DLG1: variants seen among roughly 807,000 people sequenced by gnomAD.
DLG1 encodes discs large MAGUK scaffold protein 1, also known as disks large homolog 1.
In DLG1, 42 loss-of-function variants were observed where a neutral mutation model predicts 123.4. The observed-to-expected ratio is 0.34, with a 90% CI of 0.27 to 0.44. The LOEUF (loss-of-function observed/expected upper bound fraction) is 0.44. Among genes scored for constraint, DLG1 ranks in the 20% least tolerant of loss-of-function variants. DLG1 has a pLI of 1.00. For synonymous variants in DLG1, 317 were observed against 356.2 expected (o/e 0.89, Z 1.24); for missense variants, 942 against 1,082.6 (o/e 0.87, Z 1.82).
At chr3:197,178,982 T>G (rs1374008375) in intron 5 of DLG1, among the ~76,000 whole-genome samples, 1 of 152,110 alleles carries the variant, frequency 6.6e-6, no homozygotes, top group Non-Finnish European at 1.5e-5. Context: ...ATTTCAGAAG[T>G]TCTTGAACAA....
At chr3:197,269,758 T>C (rs554729693) in intron 4 of DLG1, among the ~76,000 whole-genome samples, 1 of 152,310 alleles carries the variant, frequency 6.6e-6, no homozygotes, top group East Asian at 1.9e-4. Flanking sequence ...GAATTCATGC[T>C]CCTCTAACAT....
At chr3:197,177,008 T>C (rs1807469655) in intron 5 of DLG1, among the ~76,000 whole-genome samples, 1 of 151,872 alleles carries the variant, frequency 6.6e-6, no homozygotes, top group African/African-American at 2.4e-5. Context: ...ATTGTACAAA[T>C]GATAAAAATG....
At chr3:197,297,407 T>C (rs1777978160) in intron 1 of DLG1, 172 bp from the exon 2 acceptor site, 3 of 1,429,206 alleles carry the variant, frequency 2.1e-6, no homozygotes, top group East Asian at 5.1e-5. Flanking sequence ...GTGGAAAGCT[T>C]TTCCTTGGAG....
In DLG1 at chr3:197,070,720, A is replaced by G. The variant is rs1167475959; in HGVS notation, c.2006-1460T>C. 3.3e-5 allele frequency: 5 copies of G among 151,756 alleles called. No homozygotes were observed. The East Asian group carries it at 9.7e-4, about 29-fold the overall frequency. 9.4% of individuals were successfully genotyped at this position (151,756 alleles called of 1,614,324 possible). A position where few individuals can be genotyped will look rare whatever the true frequency, so the allele number is the denominator to read the frequency against. On this transcript the variant is annotated intron_variant, in intron 18 of 24. Transcript: ENST00000667157. ...CCTGACTACCTGGCACTGCAGGTAT[A>G]TAGCACCATGCCCAACTAATTTTTC...
At chr3:197,119,746 G>A (rs1362562878) in intron 11 of DLG1, among the ~76,000 whole-genome samples, 2 of 152,062 alleles carry the variant, frequency 1.3e-5, no homozygotes, top group Non-Finnish European at 2.9e-5. Context: ...GCCTCCCAAA[G>A]TGTTGGGATT....
chr3:197,296,946 C>T (rs1189628711), intron 2 of DLG1: 1 of 494,780 alleles, frequency 2.0e-6, no homozygotes, highest in African/African-American at 2.3e-5. Context: ...TTATTAAGGA[C>T]ATCTGTTGGG....
chr3:197,233,104 A>G (rs903975940), intron 4 of DLG1, among the ~76,000 whole-genome samples: 1 of 152,230 alleles, frequency 6.6e-6, no homozygotes, highest in Admixed American at 6.5e-5. Context: ...AAACTGCAGG[A>G]TACAAGAGTA....
At chr3:197,198,229 C>T (rs13080468) in intron 4 of DLG1, among the ~76,000 whole-genome samples, 36,667 of 152,020 alleles carry the variant, frequency 0.24, 5,593 homozygotes, top group East Asian at 0.72. Context: ...GTGGCTCACG[C>T]CTGTAATCCC....
intron 15 of DLG1, among the ~76,000 whole-genome samples, chr3:197,088,402 C>A (rs146753945): frequency 6.6e-6 from 1 of 152,286 alleles, no homozygotes; most frequent in East Asian, 1.9e-4. Flanking sequence ...GTATCATTCC[C>A]TCCCCCACAT....
At chr3:197,251,762 A>G (rs944083711) in intron 4 of DLG1, among the ~76,000 whole-genome samples, 1 of 152,262 alleles carries the variant, frequency 6.6e-6, no homozygotes, top group African/African-American at 2.4e-5. Flanking sequence ...TTTCCAAACT[A>G]CCCGTCTGAC....
chr3:197,170,408 C>T (rs968220064), intron 5 of DLG1, among the ~76,000 whole-genome samples: 1 of 152,114 alleles, frequency 6.6e-6, no homozygotes, highest in African/African-American at 2.4e-5. Context: ...TCTCCACAAA[C>T]TTGCCAGCAT....
rs775236058 is a variant in DLG1, at chr3:197,116,101, T to A, written c.1287-18A>T. 1 of 1,584,008 alleles carries A rather than the reference T, an allele frequency of 6.3e-7. No individual in the cohort carries two copies. Among genetic ancestry groups the A allele is most frequent in the Non-Finnish European group, 8.5e-7 (1 of 1,169,636 alleles). On this transcript the variant is annotated intron_variant, in intron 12 of 24. Coordinates refer to ENST00000667157, the MANE Select transcript of DLG1 (RefSeq NM_001366207.1). ...TAGGTTCCCTAAAAATTAAAAAAAA[T>A]TGAGTATCTTGGAAATTTTATATAA...
At chr3:197,268,723 A>T (rs1357984025) in intron 4 of DLG1, among the ~76,000 whole-genome samples, 2 of 152,060 alleles carry the variant, frequency 1.3e-5, no homozygotes, top group African/African-American at 4.8e-5. Flanking sequence ...TATAAATTAA[A>T]TTTTTTAACT....
chr3:197,119,620 C>A, intron 11 of DLG1, 90 bp from the exon 12 acceptor site: 1 of 1,234,544 alleles, frequency 8.1e-7, no homozygotes, highest in Non-Finnish European at 1.1e-6. Context: ...AATTTATATG[C>A]ACTCCTTTAT....
intron 3 of DLG1, among the ~76,000 whole-genome samples, chr3:197,285,356 CA>C (rs1169440738): frequency 6.6e-6 from 1 of 151,810 alleles, no homozygotes; most frequent in Non-Finnish European, 1.5e-5. Context: ...AACTTAGGGT[CA>C]GGGGAGAAAA....
At chr3:197,171,189 T>G (rs1416150706) in intron 5 of DLG1, among the ~76,000 whole-genome samples, 1 of 152,192 alleles carries the variant, frequency 6.6e-6, no homozygotes, top group Non-Finnish European at 1.5e-5. Flanking sequence ...GCAAGCCTTT[T>G]GAATGTTTAT....
At chr3:197,214,834 T>A (rs371737453) in intron 4 of DLG1, among the ~76,000 whole-genome samples, 76 of 152,218 alleles carry the variant, frequency 5.0e-4, no homozygotes, top group African/African-American at 1.7e-3. Context: ...GAATTACAAA[T>A]ACTCAATAAA....
chr3:197,250,954 G>T (rs1754098218), intron 4 of DLG1, among the ~76,000 whole-genome samples: 1 of 137,942 alleles, frequency 7.2e-6, no homozygotes, highest in Admixed American at 7.8e-5. Flanking sequence ...CTGCACTCCA[G>T]CCTGGGCAAC....
intron 24 of DLG1, 62 bp downstream of exon 24, chr3:197,051,515 G>T: frequency 7.6e-7 from 1 of 1,308,532 alleles, no homozygotes; most frequent in Non-Finnish European, 1.1e-6. Context: ...TGAACGGGTC[G>T]GTTCACATGG....
Sources: allele counts gnomAD v4.1 joint callset (sites outside exome capture counted in the v4.1 genomes callset), GRCh38; gene constraint gnomAD v4.1.1; transcripts MANE v1.5; gene names NCBI Gene and HGNC (gene_info 2026-07-23, HGNC 2026-07-21).